The following NXPE1 variants were observed in gnomAD, a reference collection of about 807,000 sequenced individuals.
The protein encoded by NXPE1 is NXPE family member 1.
A neutral mutation model predicts 33.3 loss-of-function variants in NXPE1; 31 were observed. That is an observed-to-expected ratio of 0.93 (90% CI 0.70 to 1.26). The LOEUF (loss-of-function observed/expected upper bound fraction) is 1.26. Ranked by LOEUF, NXPE1 falls within the 50% of genes most tolerant of loss-of-function variation. The probability of loss-of-function intolerance (pLI) is 0.00; values close to 1 mark genes in which losing one functional copy is unlikely to be tolerated. For missense variants in NXPE1, 661 were observed against 655.6 expected (o/e 1.01, Z -0.09); for synonymous variants, 229 against 231.4 (o/e 0.99, Z 0.09).
intron 5 of NXPE1, among the ~76,000 whole-genome samples, chr11:114,537,377 G>T (rs1252528723): frequency 6.6e-6 from 1 of 152,154 alleles, no homozygotes; most frequent in South Asian, 2.1e-4. Context: ...GCACAAGACA[G>T]GGATGCCCTC....
At chr11:114,540,837 C>CTTT (rs142403291) in intron 5 of NXPE1, among the ~76,000 whole-genome samples, 1 of 47,472 alleles carries the variant, frequency 2.1e-5, no homozygotes, top group African/African-American at 6.0e-5. Context: ...AGAAAGCCAT[C>CTTT]TTTTTTTTTT....
At chr11:114,557,720 ATTC>A (rs1457579870) in intron 1 of NXPE1, among the ~76,000 whole-genome samples, 2 of 139,674 alleles carry the variant, frequency 1.4e-5, no homozygotes, top group Non-Finnish European at 3.1e-5. Flanking sequence ...CTTCTTTTTC[ATTC>A]TTCTTTGCCG....
chr11:114,557,655 ATATATATATATATATAT>A lies in NXPE1; in HGVS notation c.-211+2126_-211+2142del, dbSNP rs1948686805. Among the ~76,000 whole-genome samples the A allele has an allele frequency of 6.4e-5, 9 of 141,728 alleles. No homozygotes were observed. In the South Asian group the frequency reaches 1.7e-3, roughly 27 times the overall value. 93.0% of individuals were successfully genotyped at this position (141,728 alleles called of 152,430 possible). The stretch of plus-strand genomic sequence containing the variant: ...AATACATATATATATATATATATAT[ATATATATATATATATAT>A]AAAATCCTTGTTCATTTATATTTGT... On this transcript the variant is annotated intron_variant, in intron 1 of 8. Coordinates refer to ENST00000534921, the Ensembl canonical transcript of NXPE1.
intron 2 of NXPE1, among the ~76,000 whole-genome samples, chr11:114,552,606 G>T (rs531917185): frequency 6.6e-6 from 1 of 151,716 alleles, no homozygotes; most frequent in South Asian, 2.1e-4. Context: ...CAATCAAGGG[G>T]CTACTCTGAC....
Position 114,522,417 on chromosome 11 carries a change from T to C in NXPE1, c.1195A>G (p.Lys399Glu), listed in dbSNP as rs144404046. Residue 399 changes from lysine to glutamate, a missense_variant, in exon 9 of 9, where the codon AAA (lysine) becomes GAA (glutamate). Transcript: ENST00000534921. ...GTGACGAAGGGATAGCTATGTTTTTTCCATTGAATCTGAGTGTGTCTTTCT... is the reference window on the plus strand; with the variant it reads ...GTGACGAAGGGATAGCTATGTTTTTCCCATTGAATCTGAGTGTGTCTTTCT... The C allele has an allele frequency of 3.5e-5, 56 of 1,613,960 alleles. No individual in the cohort carries two copies. Among genetic ancestry groups the C allele is most frequent in the Non-Finnish European group, 3.4e-5 (40 of 1,179,968 alleles).
chr11:114,541,521 C>CA (rs1948097077), intron 5 of NXPE1, among the ~76,000 whole-genome samples: 1 of 152,192 alleles, frequency 6.6e-6, no homozygotes, highest in Non-Finnish European at 1.5e-5. Context: ...CGACACGTGA[C>CA]ACAGCCGTCA....
downstream of NXPE1, among the ~76,000 whole-genome samples, chr11:114,520,919 T>G (rs561508834): frequency 6.6e-6 from 1 of 152,370 alleles, no homozygotes; most frequent in African/African-American, 2.4e-5. Context: ...TACAAAGCTT[T>G]AAAATTAATA....
intron 1 of NXPE1, among the ~76,000 whole-genome samples, chr11:114,554,686 G>A (rs906340726): frequency 1.3e-5 from 2 of 152,172 alleles, no homozygotes; most frequent in African/African-American, 2.4e-5. Flanking sequence ...TTTATTAACA[G>A]TACTGTGATA....
chr11:114,552,568 AT>A (rs1447477506), intron 2 of NXPE1, among the ~76,000 whole-genome samples: 1 of 151,878 alleles, frequency 6.6e-6, no homozygotes, highest in Non-Finnish European at 1.5e-5. Context: ...TACAAAAAGC[AT>A]GTTCAATAGG....
intron 7 of NXPE1, among the ~76,000 whole-genome samples, chr11:114,524,959 A>C (rs959439053): frequency 6.6e-5 from 10 of 152,134 alleles, no homozygotes; most frequent in Non-Finnish European, 1.2e-4. Context: ...ACCCCGGTTT[A>C]TCTAGTGTTT....
chr11:114,540,465 A>G (rs180800329), intron 5 of NXPE1, among the ~76,000 whole-genome samples: 3 of 152,342 alleles, frequency 2.0e-5, no homozygotes, highest in Admixed American at 6.5e-5. Context: ...TAGTCCACAT[A>G]TATACATAAA....
chr11:114,545,690 TC>T (rs370872644), intron 5 of NXPE1, among the ~76,000 whole-genome samples: 28 of 150,868 alleles, frequency 1.9e-4, no homozygotes, highest in African/African-American at 6.8e-4. Flanking sequence ...AAAGAGTGGA[TC>T]TTTTTTTTTT....
At chr11:114,527,879 T>G (rs145084457) in exon 7 of NXPE1, 1 of 1,602,236 alleles carries the variant, frequency 6.2e-7, no homozygotes, top group Non-Finnish European at 8.5e-7. Flanking sequence ...CGATCCTTCA[T>G]CATTTCAACT....
chr11:114,559,245 A>G (rs904124124), intron 1 of NXPE1, among the ~76,000 whole-genome samples: 7 of 152,164 alleles, frequency 4.6e-5, no homozygotes, highest in Admixed American at 3.3e-4. Context: ...CCCTGCACCA[A>G]TCTAGACTCT....
intron 7 of NXPE1, chr11:114,526,741 A>G (rs1470672673): frequency 6.6e-6 from 1 of 152,196 alleles, no homozygotes; most frequent in African/African-American, 2.4e-5. Context: ...AAAATACAGG[A>G]CACCGTATTA....
At chr11:114,520,842 T>TA (rs1454657702), downstream of NXPE1, among the ~76,000 whole-genome samples, 1 of 152,250 alleles carries the variant, frequency 6.6e-6, no homozygotes, top group Non-Finnish European at 1.5e-5. Context: ...CGCTCCTTCA[T>TA]AGGTGGTGTT....
chr11:114,534,333 G>GA (rs1387235356), intron 5 of NXPE1, among the ~76,000 whole-genome samples: 1 of 152,058 alleles, frequency 6.6e-6, no homozygotes, highest in Non-Finnish European at 1.5e-5. Context: ...CAAAGATGGG[G>GA]AAAAAACAGA....
At position 114,522,206 on chromosome 11, in the gene NXPE1, G is replaced by C. The variant is rs1468181712; in HGVS notation, c.1406C>G (p.Pro469Arg). ...TGTCTTAATAATCACTTTAGTGGCT[G>C]GGCTTCTTAGGAACAGTCTTTCAAT... Residue 469 changes from proline to arginine, a missense_variant, in exon 9 of 9, where the codon CCA becomes CGA. By Grantham distance (103) the Pro-to-Arg change is moderately radical. Transcript: ENST00000534921. 2.5e-6 allele frequency: 4 copies of C among 1,614,012 alleles called. No homozygotes were observed. The Admixed American group carries it at 6.7e-5, about 27-fold the overall frequency.
intron 5 of NXPE1, among the ~76,000 whole-genome samples, chr11:114,543,471 T>C (rs1028555239): frequency 3.3e-5 from 5 of 150,924 alleles, no homozygotes; most frequent in Non-Finnish European, 7.4e-5. Context: ...TGGGGAGCCA[T>C]GTTTGTGCCA....
Sources: allele counts gnomAD v4.1 joint callset (sites outside exome capture counted in the v4.1 genomes callset), GRCh38; gene constraint gnomAD v4.1.1; transcripts MANE v1.5; gene names NCBI Gene and HGNC (gene_info 2026-07-23, HGNC 2026-07-21).